The following MBNL2 variants were observed in gnomAD, a reference collection of about 807,000 sequenced individuals.
MBNL2 encodes muscleblind like splicing regulator 2, also known as muscleblind-like protein 2.
MBNL2 carries 17 observed loss-of-function variants against 41.9 expected under a neutral mutation model. That is an observed-to-expected ratio of 0.41 (90% CI 0.28 to 0.61). The LOEUF is 0.61. MBNL2 is among the 20% of genes least tolerant of loss of function. The probability of loss-of-function intolerance (pLI) is 0.35; values close to 1 mark genes in which losing one functional copy is unlikely to be tolerated. For synonymous variants in MBNL2, 195 were observed against 182.9 expected, an observed-to-expected ratio of 1.07 and a Z score of -0.53; for missense variants, 336 against 505.6, an observed-to-expected ratio of 0.66 and a Z score of 3.22.
At chr13:97,232,591 C>T (rs926854439) in intron 1 of MBNL2, among the ~76,000 whole-genome samples, 3 of 152,078 alleles carry the variant, frequency 2.0e-5, no homozygotes, top group South Asian at 2.1e-4. Flanking sequence ...AACCCTTGTC[C>T]ACCAGTTCTT....
intron 1 of MBNL2, 142 bp downstream of exon 1, chr13:97,222,673 CG>C: frequency 2.6e-6 from 1 of 389,842 alleles, no homozygotes; most frequent in East Asian, 3.6e-5. Context: ...TGGAGTTTTA[CG>C]TAACATTTTG....
chr13:97,232,083 G>C (rs2042460433), intron 1 of MBNL2, among the ~76,000 whole-genome samples: 1 of 118,542 alleles, frequency 8.4e-6, no homozygotes, highest in African/African-American at 2.5e-5. Context: ...TTAAAGTCTT[G>C]TAATAGAAAC....
In MBNL2 at chr13:97,255,161, C is replaced by T. The variant is rs1175738062; in HGVS notation, c.-604-20471C>T. 3.3e-5 allele frequency among the ~76,000 whole-genome samples: 5 copies of T among 152,176 alleles called. No individual in the cohort carries two copies. In the South Asian group the frequency reaches 6.2e-4, roughly 19 times the overall value. Reference sequence around the variant, plus strand: ...CAAGGTAGAAAGCACCTTGGAGACCCTGCTGTTCACTATCTCAAGTTTTTC... The same window carrying T: ...CAAGGTAGAAAGCACCTTGGAGACCTTGCTGTTCACTATCTCAAGTTTTTC... On this transcript the variant is annotated intron_variant, in intron 1 of 8. Transcript: ENST00000679496.
chr13:97,336,421 A>G (rs918532026), intron 3 of MBNL2, among the ~76,000 whole-genome samples: 4 of 152,172 alleles, frequency 2.6e-5, no homozygotes, highest in African/African-American at 9.7e-5. Context: ...CAGGGGCTTG[A>G]CAGATGGGAT....
chr13:97,166,782 T>A, the MBNL2 span, among the ~76,000 whole-genome samples: 1 of 139,880 alleles, frequency 7.1e-6, no homozygotes, highest in Non-Finnish European at 1.5e-5. Context: ...AAACTTCCCT[T>A]GATAGATAGA....
At chr13:97,259,879 T>C (rs1213173769) in intron 1 of MBNL2, among the ~76,000 whole-genome samples, 2 of 152,106 alleles carry the variant, frequency 1.3e-5, no homozygotes, top group East Asian at 3.8e-4. Flanking sequence ...CTGTGGCGTA[T>C]TCATTCATTT....
intron 8 of MBNL2, among the ~76,000 whole-genome samples, chr13:97,369,316 A>G: frequency 6.6e-6 from 1 of 152,286 alleles, no homozygotes; most frequent in South Asian, 2.1e-4. Context: ...CAGTTTCCTC[A>G]TTTGTGAAAG....
At chr13:97,227,381 ATGC>A in intron 1 of MBNL2, among the ~76,000 whole-genome samples, 1 of 152,226 alleles carries the variant, frequency 6.6e-6, no homozygotes, top group African/African-American at 2.4e-5. Flanking sequence ...AACACTGAAA[ATGC>A]TGCGGCCGTT....
intron 1 of MBNL2, among the ~76,000 whole-genome samples, chr13:97,254,904 G>A (rs1426155225): frequency 6.6e-6 from 1 of 152,142 alleles, no homozygotes; most frequent in African/African-American, 2.4e-5. Context: ...AGTATTTCCA[G>A]CCGCAAAGGT....
chr13:97,371,221 TTTC>T (rs1194726455), intron 8 of MBNL2, among the ~76,000 whole-genome samples: 6 of 152,188 alleles, frequency 3.9e-5, no homozygotes, highest in African/African-American at 1.4e-4. Context: ...ATACTTTAAG[TTTC>T]TTCATTTATA....
chr13:97,225,744 C>T (rs773247160), intron 1 of MBNL2, among the ~76,000 whole-genome samples: 2 of 152,150 alleles, frequency 1.3e-5, no homozygotes, highest in Non-Finnish European at 2.9e-5. Context: ...GACAGTTCGC[C>T]CTGTTCACGA....
intron 2 of MBNL2, among the ~76,000 whole-genome samples, chr13:97,318,110 T>C (rs2059208052): frequency 6.6e-6 from 1 of 152,198 alleles, no homozygotes; most frequent in African/African-American, 2.4e-5. Flanking sequence ...ACAAGTTATC[T>C]AACCTCTCTG....
At chr13:97,277,850 T>C (rs974028867) in intron 2 of MBNL2, among the ~76,000 whole-genome samples, 1 of 152,188 alleles carries the variant, frequency 6.6e-6, no homozygotes, top group Non-Finnish European at 1.5e-5. Flanking sequence ...TCATATAAAC[T>C]ATAACAGTAC....
chr13:97,193,983 CATA>C, the MBNL2 span, among the ~76,000 whole-genome samples: 31 of 152,192 alleles, frequency 2.0e-4, no homozygotes, highest in African/African-American at 6.8e-4. Flanking sequence ...CATCTCAGGG[CATA>C]ATGTTACTTG....
At chr13:97,357,757 C>T (rs768010196) in intron 7 of MBNL2, 122 bp downstream of exon 7, 7 of 953,696 alleles carry the variant, frequency 7.3e-6, no homozygotes, top group East Asian at 2.4e-5. Flanking sequence ...TGAAATTCAT[C>T]GTTGTCCTAG....
intron 1 of MBNL2, among the ~76,000 whole-genome samples, chr13:97,273,583 C>T (rs759269663): frequency 6.6e-6 from 1 of 152,210 alleles, no homozygotes; most frequent in Non-Finnish European, 1.5e-5. Context: ...CTTAAATGTG[C>T]ATGCAATTAT....
chr13:97,347,193 C>A, intron 5 of MBNL2, 126 bp downstream of exon 5: 2 of 742,812 alleles, frequency 2.7e-6, no homozygotes, highest in Non-Finnish European at 4.1e-6. Context: ...TGCTCCGCTG[C>A]CTAAGTTTTG....
Position 97,334,510 on chromosome 13 carries a change from T to A in MBNL2, c.339+70T>A. On this transcript the variant is annotated intron_variant, in intron 3 of 8. Transcript: ENST00000679496. This position sits in a 1 kb window ranked among gnomAD's most constrained non-coding sequence, Gnocchi z 5.3. ...TGGTATGGATGATGCCACGTTGACC[T>A]AGGGTGGCCTCTCTCCACTTTGTCA... 1 of 1,142,118 alleles carries A rather than the reference T, an allele frequency of 8.8e-7. No individual in the cohort carries two copies. The highest frequency in any genetic ancestry group is 1.2e-6 in the Non-Finnish European group (1 of 822,936). The allele number at this position is 1,142,118 out of a possible 1,614,324, so 70.7% of individuals were successfully genotyped here.
chr13:97,343,346 T>A, intron 4 of MBNL2, 130 bp downstream of exon 4: 1 of 681,184 alleles, frequency 1.5e-6, no homozygotes, highest in Non-Finnish European at 2.5e-6. Flanking sequence ...CAAACTCACC[T>A]AAAACCCATG....
Sources: allele counts gnomAD v4.1 joint callset (sites outside exome capture counted in the v4.1 genomes callset), GRCh38; gene constraint gnomAD v4.1.1; non-coding constraint Gnocchi (gnomAD v3.1); transcripts MANE v1.5; gene names NCBI Gene and HGNC (gene_info 2026-07-23, HGNC 2026-07-21).